SVIL: variants seen among roughly 807,000 people sequenced by gnomAD.
The protein encoded by SVIL is supervillin.
SVIL carries 101 observed loss-of-function variants against 240.4 expected under a neutral mutation model. The observed-to-expected ratio is 0.42, with a 90% CI of 0.36 to 0.50. The LOEUF is 0.50. Among genes scored for constraint, SVIL ranks in the 20% least tolerant of loss-of-function variants. The pLI, the probability that SVIL is intolerant of heterozygous loss-of-function variation, is 0.01. For synonymous variants in SVIL, 999 were observed against 1,100.0 expected (o/e 0.91, Z 1.82); for missense variants, 2,512 against 2,818.7 (o/e 0.89, Z 2.46).
At chr10:29,689,769 T>A (rs1468662924) in intron 1 of SVIL, among the ~76,000 whole-genome samples, 2 of 152,336 alleles carry the variant, frequency 1.3e-5, no homozygotes, top group East Asian at 3.9e-4. Flanking sequence ...TAAAAATCCA[T>A]CATTGTTCAA....
At chr10:29,552,758 A>G (rs1953495698) in intron 5 of SVIL, among the ~76,000 whole-genome samples, 1 of 152,018 alleles carries the variant, frequency 6.6e-6, no homozygotes, top group South Asian at 2.1e-4. Flanking sequence ...GAGTAACTGG[A>G]ACTAATTTTG....
At position 29,465,656 on chromosome 10, in the gene SVIL, G is replaced by T; in HGVS notation, c.6072C>A (p.Ala2024=). Reference sequence around the variant, plus strand: ...AGGGCATGGAACTGACCACAGAGGGGGCTCGGGCAGGGTACACAAACTCTG... The same window carrying T: ...AGGGCATGGAACTGACCACAGAGGGTGCTCGGGCAGGGTACACAAACTCTG... The part of the protein sequence containing the change: ...AATEFVYPAR[A]PSVVSSMPFL... Residue 2024 remains alanine (A), a synonymous_variant, in exon 34 of 38, where the codon GCC becomes GCA. Transcript: ENST00000355867. 6.2e-7 allele frequency: 1 copy of T among 1,613,818 alleles called. No homozygotes were observed. Among genetic ancestry groups the T allele is most frequent in the Non-Finnish European group, 8.5e-7 (1 of 1,179,984 alleles).
intron 3 of SVIL, among the ~76,000 whole-genome samples, chr10:29,650,425 C>G (rs1260614177): frequency 6.6e-6 from 1 of 152,118 alleles, no homozygotes; most frequent in Non-Finnish European, 1.5e-5. Context: ...TTTCAGTTCA[C>G]TCCAGGAACT....
At chr10:29,579,997 A>T (rs1955870766) in intron 1 of SVIL, among the ~76,000 whole-genome samples, 1 of 152,048 alleles carries the variant, frequency 6.6e-6, no homozygotes, top group African/African-American at 2.4e-5. Flanking sequence ...CCTAGGATAG[A>T]TACATCAAGC....
At chr10:29,473,816 T>C (rs1295648211) in intron 30 of SVIL, 22 bp downstream of exon 30, 1 of 1,612,724 alleles carries the variant, frequency 6.2e-7, no homozygotes, top group Non-Finnish European at 8.5e-7. Context: ...GTCCCCGGGG[T>C]GCAGAGCTCC....
In SVIL at chr10:29,576,984, G is replaced by A. The variant is rs576996386; in HGVS notation, c.-200-7672C>T. On this transcript the variant is annotated intron_variant, in intron 1 of 37. Transcript: ENST00000355867. ...CAACCTCTGCCTCCTGGATTCAAGC[G>A]ATTCCCCTGCCTCAGCCTCCCGAGT... is the stretch of plus-strand genomic sequence containing the variant. 5.9e-5 allele frequency among the ~76,000 whole-genome samples: 9 copies of A among 152,150 alleles called. No individual in the cohort carries two copies. In the East Asian group the frequency reaches 1.6e-3, roughly 26 times the overall value.
At chr10:29,674,558 AT>A (rs2133065452) in intron 2 of SVIL, among the ~76,000 whole-genome samples, 1 of 152,292 alleles carries the variant, frequency 6.6e-6, no homozygotes, top group South Asian at 2.1e-4. Context: ...ATTTTCCATT[AT>A]ATTATATTCC....
intron 10 of SVIL, 101 bp downstream of exon 10, chr10:29,531,153 A>T: frequency 8.9e-7 from 1 of 1,127,770 alleles, no homozygotes; most frequent in Non-Finnish European, 1.3e-6. Context: ...AGACACTGTT[A>T]TGCTCCATCA....
chr10:29,645,406 C>T (rs182729849), intron 3 of SVIL, among the ~76,000 whole-genome samples: 3 of 152,096 alleles, frequency 2.0e-5, no homozygotes, highest in African/African-American at 7.2e-5. Context: ...CATGTCTCTA[C>T]TAAAAATACA....
At chr10:29,504,441 C>T (rs1263472047) in intron 17 of SVIL, among the ~76,000 whole-genome samples, 3 of 152,106 alleles carry the variant, frequency 2.0e-5, no homozygotes, top group African/African-American at 7.2e-5. Context: ...AAAGACATAT[C>T]TGATAAAGGA....
At chr10:29,545,467 T>C (rs2132621082) in intron 6 of SVIL, among the ~76,000 whole-genome samples, 1 of 152,146 alleles carries the variant, frequency 6.6e-6, no homozygotes, top group East Asian at 1.9e-4. Flanking sequence ...AAGGACACAA[T>C]TTGCTAAAGA....
At chr10:29,686,225 T>C (rs1425038657) in intron 2 of SVIL, among the ~76,000 whole-genome samples, 1 of 152,170 alleles carries the variant, frequency 6.6e-6, no homozygotes, top group East Asian at 1.9e-4. Flanking sequence ...GTAACCTCTA[T>C]CTTGGAAATT....
In SVIL at chr10:29,564,415, C is replaced by A. The variant is rs542539961; in HGVS notation, c.-142-1123G>T. On this transcript the variant is annotated intron_variant, in intron 2 of 37. Coordinates refer to ENST00000355867, the MANE Select transcript of SVIL (RefSeq NM_021738.3). Reference sequence around the variant, plus strand: ...GCGGGCAGGGCAGAGGGTGCTGCTGCCTCGAAGGAAGAAAACAAACCTGTG... The same window carrying A: ...GCGGGCAGGGCAGAGGGTGCTGCTGACTCGAAGGAAGAAAACAAACCTGTG... Among the ~76,000 whole-genome samples, 3 of 152,254 alleles carry A rather than the reference C, an allele frequency of 2.0e-5. No homozygotes were observed. The South Asian group carries it at 6.2e-4, about 32-fold the overall frequency.
At chr10:29,585,897 G>A (rs934626233) in intron 1 of SVIL, among the ~76,000 whole-genome samples, 9 of 152,256 alleles carry the variant, frequency 5.9e-5, no homozygotes, top group African/African-American at 1.7e-4. Context: ...GAGCCAGAGC[G>A]CTCTGAGCGC....
intron 1 of SVIL, among the ~76,000 whole-genome samples, chr10:29,712,975 G>A (rs554715720): frequency 9.2e-5 from 14 of 152,196 alleles, no homozygotes; most frequent in African/African-American, 3.1e-4. Context: ...TCAGGAGTTC[G>A]AGACCAGCCT....
chr10:29,600,844 C>T (rs1381659786), intron 1 of SVIL, among the ~76,000 whole-genome samples: 1 of 152,130 alleles, frequency 6.6e-6, no homozygotes, highest in Admixed American at 6.5e-5. Flanking sequence ...TCAAGGGACC[C>T]GTGCTATGGG....
At chr10:29,505,703 G>T (rs1180329131) in intron 17 of SVIL, among the ~76,000 whole-genome samples, 1 of 152,174 alleles carries the variant, frequency 6.6e-6, no homozygotes, top group African/African-American at 2.4e-5. Context: ...GTCAACGTAG[G>T]TTCATCAATG....
intron 17 of SVIL, among the ~76,000 whole-genome samples, chr10:29,500,718 C>A (rs1948816372): frequency 6.6e-6 from 1 of 152,154 alleles, no homozygotes; most frequent in African/African-American, 2.4e-5. Context: ...AAGAAGTCTC[C>A]ATGGATCAAT....
chr10:29,503,394 A>T (rs193282931), intron 17 of SVIL, among the ~76,000 whole-genome samples: 1 of 152,366 alleles, frequency 6.6e-6, no homozygotes, highest in African/African-American at 2.4e-5. Context: ...GCCCTGAGGC[A>T]TGTGAGAAAG....
Sources: gnomAD v4.1 joint callset for allele counts (sites outside exome capture counted in the v4.1 genomes callset) on GRCh38, gnomAD v4.1.1 for gene constraint, MANE v1.5 for transcripts, NCBI Gene and HGNC (gene_info 2026-07-23, HGNC 2026-07-21) for gene names.